The following HTRA3 variants were observed in gnomAD, a reference collection of about 807,000 sequenced individuals.
The protein encoded by HTRA3 is serine protease HTRA3.
A neutral mutation model predicts 43.2 loss-of-function variants in HTRA3; 41 were observed. That is an observed-to-expected ratio of 0.95 (90% CI 0.74 to 1.23). HTRA3 has a LOEUF of 1.23. Ranked by LOEUF, HTRA3 falls within the 50% of genes most tolerant of loss-of-function variation. The probability of loss-of-function intolerance (pLI) is 0.00; values close to 1 mark genes in which losing one functional copy is unlikely to be tolerated. For synonymous variants in HTRA3, 295 were observed against 287.9 expected, an observed-to-expected ratio of 1.02 and a Z score of -0.25; for missense variants, 628 against 647.1, an observed-to-expected ratio of 0.97 and a Z score of 0.32.
intron 1 of HTRA3, among the ~76,000 whole-genome samples, chr4:8,280,383 T>C (rs73801715): frequency 1.2e-3 from 178 of 152,252 alleles, no homozygotes; most frequent in African/African-American, 4.1e-3. Context: ...TGAGCGCATC[T>C]TGTGAGAGCT....
intron 7 of HTRA3, among the ~76,000 whole-genome samples, chr4:8,303,823 T>C (rs940826792): frequency 7.3e-6 from 1 of 136,504 alleles, no homozygotes; most frequent in Non-Finnish European, 1.6e-5. Context: ...CTCAGCATTG[T>C]CTGTCCATTC....
chr4:8,271,638 C>T (rs74997833), intron 1 of HTRA3, among the ~76,000 whole-genome samples: 2,465 of 152,272 alleles, frequency 0.016, 74 homozygotes, highest in African/African-American at 0.055. Flanking sequence ...AGTTCAAGAC[C>T]AAGGTGCCAG....
intron 1 of HTRA3, among the ~76,000 whole-genome samples, chr4:8,274,402 C>G (rs745363018): frequency 2.0e-5 from 3 of 152,216 alleles, no homozygotes; most frequent in Non-Finnish European, 4.4e-5. Flanking sequence ...GCCCTGCACA[C>G]AGATGTGACT....
chr4:8,277,951 C>G (rs942655944), intron 1 of HTRA3, among the ~76,000 whole-genome samples: 1 of 152,174 alleles, frequency 6.6e-6, no homozygotes, highest in Non-Finnish European at 1.5e-5. Context: ...GGTGTCAGTC[C>G]CAGCTCTGCA....
intron 6 of HTRA3, among the ~76,000 whole-genome samples, chr4:8,300,625 C>A (rs1338699802): frequency 6.6e-6 from 1 of 152,134 alleles, no homozygotes; most frequent in Non-Finnish European, 1.5e-5. Flanking sequence ...TTGTCATGAT[C>A]GATCTTGCTA....
intron 5 of HTRA3, among the ~76,000 whole-genome samples, chr4:8,293,149 C>A (rs1336494225): frequency 6.6e-6 from 1 of 152,212 alleles, no homozygotes. Context: ...CTGCCTCAGG[C>A]CTCGTGTGCA....
At chr4:8,280,099 C>G (rs528525297) in intron 1 of HTRA3, among the ~76,000 whole-genome samples, 1 of 152,078 alleles carries the variant, frequency 6.6e-6, no homozygotes, top group Non-Finnish European at 1.5e-5. Flanking sequence ...AGAGAGAGGT[C>G]GTGCAGGGGG....
chr4:8,301,194 T>G (rs1057497966), intron 6 of HTRA3, among the ~76,000 whole-genome samples: 2 of 151,858 alleles, frequency 1.3e-5, no homozygotes, highest in African/African-American at 4.8e-5. Context: ...TCTTTATTGA[T>G]TCACACTCTC....
chr4:8,298,411 A>G (rs1159348380), intron 6 of HTRA3, among the ~76,000 whole-genome samples: 1 of 152,178 alleles, frequency 6.6e-6, no homozygotes, highest in Admixed American at 6.5e-5. Flanking sequence ...GGAGCCCTTT[A>G]TCAGATAAGC....
chr4:8,277,039 C>T (rs1712556697), intron 1 of HTRA3, among the ~76,000 whole-genome samples: 2 of 152,370 alleles, frequency 1.3e-5, no homozygotes, highest in East Asian at 1.9e-4. Flanking sequence ...GAGGGGGAGG[C>T]AGCGGGTTCC....
At position 8,295,174 on chromosome 4, in the gene HTRA3, C is replaced by G. The variant is rs1578804314; in HGVS notation, c.1051+973C>G. ...ACCCATCCATCCATCCGTCTACCCA[C>G]CTGTCCCTCTATCCCTGTCCGTCTA... On this transcript the variant is annotated intron_variant, in intron 6 of 8. Transcript: ENST00000307358. This position sits in a 1 kb window ranked among gnomAD's most constrained non-coding sequence, Gnocchi z 6.9. Among the ~76,000 whole-genome samples, 1 of 152,238 alleles carries G rather than the reference C, an allele frequency of 6.6e-6. No individual in the cohort carries two copies. The highest frequency in any genetic ancestry group is 2.4e-5 in the African/African-American group (1 of 41,536).
At chr4:8,293,219 G>A (rs552326184) in intron 5 of HTRA3, among the ~76,000 whole-genome samples, 8 of 152,310 alleles carry the variant, frequency 5.3e-5, no homozygotes, top group East Asian at 3.9e-4. Context: ...GGCTGAGGCC[G>A]TGCCCTGGTT....
intron 4 of HTRA3, among the ~76,000 whole-genome samples, chr4:8,292,014 G>A (rs1713264997): frequency 6.6e-6 from 1 of 152,236 alleles, no homozygotes; most frequent in African/African-American, 2.4e-5. Flanking sequence ...GCCCCCCCAG[G>A]CCAGCAGGAT....
intron 6 of HTRA3, among the ~76,000 whole-genome samples, chr4:8,300,327 C>T (rs902026044): frequency 6.6e-6 from 1 of 152,160 alleles, no homozygotes; most frequent in African/African-American, 2.4e-5. Flanking sequence ...CTTCCTTAAA[C>T]ATCTGGTGGA....
Position 8,306,166 on chromosome 4 carries a change from G to C in HTRA3, c.*30G>C. On this transcript the variant is annotated 3_prime_UTR_variant, in exon 9 of 9. Transcript: ENST00000307358. The surrounding 1 kb of genome is among the most constrained non-coding windows in gnomAD (Gnocchi z 8.9). ...CGCATTCCTCCAGCGCCAAGCGTCA[G>C]AGCCTGCAGACAACGGAGGGCAGCG... 6.5e-7 allele frequency: 1 copy of C among 1,540,492 alleles called. No individual in the cohort carries two copies. Among genetic ancestry groups the C allele is most frequent in the South Asian group, 1.2e-5 (1 of 80,438 alleles).
At chr4:8,304,718 C>T (rs894019009) in intron 8 of HTRA3, among the ~76,000 whole-genome samples, 2 of 132,872 alleles carry the variant, frequency 1.5e-5, no homozygotes, top group Admixed American at 8.5e-5. Flanking sequence ...TGCAGTGTCG[C>T]GATCTCAGCT....
intron 1 of HTRA3, among the ~76,000 whole-genome samples, chr4:8,280,905 G>C (rs1410086083): frequency 6.6e-6 from 1 of 152,188 alleles, no homozygotes; most frequent in Non-Finnish European, 1.5e-5. Flanking sequence ...CTAGGTCCCA[G>C]CTCAGGCTAA....
In HTRA3 at chr4:8,269,823, C is replaced by T. The variant is rs1437481848; in HGVS notation, c.-146C>T. On this transcript the variant is annotated 5_prime_UTR_variant, in exon 1 of 9. Transcript: ENST00000307358. ...GATGCCCCTGCCGCCCTGACGCCCGCCAGCCTGAGCCACCGGCGCATGTGA... is the reference window on the plus strand; with the variant it reads ...GATGCCCCTGCCGCCCTGACGCCCGTCAGCCTGAGCCACCGGCGCATGTGA... 9.4e-6 allele frequency: 2 copies of T among 213,576 alleles called. No homozygotes were observed. Among genetic ancestry groups the T allele is most frequent in the Non-Finnish European group, 1.6e-5 (2 of 123,040 alleles). 13.2% of individuals were successfully genotyped at this position (213,576 alleles called of 1,614,324 possible).
rs909666185 is a variant in HTRA3, at chr4:8,286,317, A to T, written c.486-244A>T. Among the ~76,000 whole-genome samples the T allele has an allele frequency of 6.6e-6, 1 of 152,128 alleles. No homozygotes were observed. Among genetic ancestry groups the T allele is most frequent in the Non-Finnish European group, 1.5e-5 (1 of 68,034 alleles). On this transcript the variant is annotated intron_variant, in intron 2 of 8. Coordinates refer to ENST00000307358, the MANE Select transcript of HTRA3 (RefSeq NM_053044.5). This position sits in a 1 kb window ranked among gnomAD's most constrained non-coding sequence, Gnocchi z 4.9. The stretch of plus-strand genomic sequence containing the variant: ...TGACATGTCGCAGGCAGCCTGTCTC[A>T]TCTCAGCAAATTGCAGCGAGAGGTG...
Sources: allele counts gnomAD v4.1 joint callset (sites outside exome capture counted in the v4.1 genomes callset), GRCh38; gene constraint gnomAD v4.1.1; non-coding constraint Gnocchi (gnomAD v3.1); transcripts MANE v1.5; gene names NCBI Gene and HGNC (gene_info 2026-07-23, HGNC 2026-07-21).